ADAMTS9: variants seen among roughly 807,000 people sequenced by gnomAD.
ADAMTS9 encodes the protein A disintegrin and metalloproteinase with thrombospondin motifs 9.
Under a neutral mutation model 257.1 loss-of-function variants are expected in ADAMTS9, and 107 were observed. The observed-to-expected ratio is 0.42, with a 90% CI of 0.36 to 0.49. The LOEUF (loss-of-function observed/expected upper bound fraction) is 0.49, where lower values mean the gene tolerates loss of function less well. ADAMTS9 is among the 20% of genes least tolerant of loss of function. The probability of loss-of-function intolerance (pLI) is 0.03; values close to 1 mark genes in which losing one functional copy is unlikely to be tolerated. For synonymous variants in ADAMTS9, 982 were observed against 880.9 expected (o/e 1.11, Z -2.03); for missense variants, 2,353 against 2,469.1 (o/e 0.95, Z 1.00).
intron 25 of ADAMTS9, 111 bp from the exon 26 acceptor site, chr3:64,602,324 C>T: frequency 7.7e-7 from 1 of 1,294,844 alleles, no homozygotes; most frequent in Non-Finnish European, 1.1e-6. Context: ...TTGCTCAGGC[C>T]AAAAACCTTG....
rs780134902 is a variant in ADAMTS9, at chr3:64,613,501, G to C, written c.3198C>G (p.Val1066=). ...WKSGDWSECL[V]TCGKGHKHRQ... is the part of the protein sequence containing the mutation. The stretch of plus-strand genomic sequence containing the variant: ...GGTGCTTATGCCCTTTTCCACAGGT[G>C]ACCAAGCACTGTAATGAAAAGCGGA... Residue 1066 remains valine, a synonymous_variant, in exon 22 of 40, where the codon GTC becomes GTG. Transcript: ENST00000498707. 4 of 1,613,102 alleles carry C rather than the reference G, an allele frequency of 2.5e-6. No homozygotes were observed. Among genetic ancestry groups the C allele is most frequent in the Non-Finnish European group, 3.4e-6 (4 of 1,179,582 alleles).
At chr3:64,518,254 T>A (rs79290614) in intron 39 of ADAMTS9, among the ~76,000 whole-genome samples, 2,255 of 152,298 alleles carry the variant, frequency 0.015, 45 homozygotes, top group African/African-American at 0.052. Flanking sequence ...TATCTCAGTT[T>A]CTTAAGATAA....
chr3:64,651,692 A>G (rs1291301972), intron 8 of ADAMTS9, among the ~76,000 whole-genome samples: 2 of 152,204 alleles, frequency 1.3e-5, no homozygotes, highest in African/African-American at 4.8e-5. Context: ...TATCATTCTA[A>G]AGGCATGCAA....
At chr3:64,547,226 G>A (rs7633144) in intron 31 of ADAMTS9, among the ~76,000 whole-genome samples, 4,698 of 152,234 alleles carry the variant, frequency 0.031, 214 homozygotes, top group African/African-American at 0.098. Flanking sequence ...AGGTTTCGAA[G>A]GGAGGAGGAG....
At chr3:64,552,367 C>A (rs1464483923) in intron 30 of ADAMTS9, among the ~76,000 whole-genome samples, 1 of 152,134 alleles carries the variant, frequency 6.6e-6, no homozygotes, top group African/African-American at 2.4e-5. Flanking sequence ...TGCTAAAGGT[C>A]ACTGAAAGCC....
rs76917190 is a variant in ADAMTS9, at chr3:64,624,264, A to C, written c.2390-1678T>G. Among the ~76,000 whole-genome samples, 421 of 151,942 alleles carry C rather than the reference A, an allele frequency of 2.8e-3. 15 individuals are homozygous for C. In the East Asian group the frequency reaches 0.056, roughly 20 times the overall value. ...GGGAAAGAGAAAGAAGAAAGAAAGG[A>C]AAAGAGAGACAAAGAAAGAAAAGGA... On this transcript the variant is annotated intron_variant, in intron 16 of 39. Coordinates refer to ENST00000498707, the MANE Select transcript of ADAMTS9 (RefSeq NM_182920.2).
At chr3:64,593,664 T>C (rs1360674438) in intron 28 of ADAMTS9, among the ~76,000 whole-genome samples, 1 of 152,212 alleles carries the variant, frequency 6.6e-6, no homozygotes, top group Non-Finnish European at 1.5e-5. Flanking sequence ...TTCCTATCTC[T>C]GTGCAAGAGA....
At position 64,604,342 on chromosome 3, in the gene ADAMTS9, T is replaced by G. The variant is rs1276542056; in HGVS notation, c.3475-11A>C. 2 of 1,550,106 alleles carry G rather than the reference T, an allele frequency of 1.3e-6. No individual in the cohort carries two copies. The highest frequency in any genetic ancestry group is 1.7e-6 in the Non-Finnish European group (2 of 1,145,044). On this transcript the variant is annotated splice_polypyrimidine_tract_variant and intron_variant, in intron 23 of 39. Transcript: ENST00000498707. ...TGGTAATTCACAGTCCTAGACGTGA[T>G]GGGGGAAAAAAAAACAAAGTCACTT... is the stretch of plus-strand genomic sequence containing the variant.
chr3:64,541,666 G>A (rs780325999), intron 33 of ADAMTS9, 46 bp from the exon 34 acceptor site: 10 of 1,565,512 alleles, frequency 6.4e-6, no homozygotes, highest in Middle Eastern at 1.7e-4. Context: ...GATCCGAGAT[G>A]TGAATTATCT....
At chr3:64,667,316 C>T (rs1701373728) in intron 3 of ADAMTS9, among the ~76,000 whole-genome samples, 1 of 152,210 alleles carries the variant, frequency 6.6e-6, no homozygotes, top group African/African-American at 2.4e-5. Flanking sequence ...CCTGAGAAGT[C>T]TTGCAGGAAA....
chr3:64,589,890 T>C (rs1387632159), intron 28 of ADAMTS9: 1 of 152,212 alleles, frequency 6.6e-6, no homozygotes, highest in Non-Finnish European at 1.5e-5. Flanking sequence ...AATAACAAAA[T>C]TGACAAATGC....
intron 3 of ADAMTS9, among the ~76,000 whole-genome samples, chr3:64,663,731 A>G (rs988090729): frequency 6.6e-6 from 1 of 152,166 alleles, no homozygotes; most frequent in Non-Finnish European, 1.5e-5. Flanking sequence ...AGCATACTTT[A>G]GGTGGCATGA....
chr3:64,687,924 G>C lies in ADAMTS9; in HGVS notation c.-267C>G, dbSNP rs1425042419. On this transcript the variant is annotated 5_prime_UTR_variant, in exon 1 of 40. Transcript: ENST00000498707. This position sits in a 1 kb window ranked among gnomAD's most constrained non-coding sequence, Gnocchi z 4.4. ...GGAGGAGGAGGACTGGGGCTCGGCT[G>C]CTTGGCCGCATAATGCCCAGCGAGC... The C allele has an allele frequency of 9.4e-6, 3 of 317,606 alleles. No homozygotes were observed. The highest frequency in any genetic ancestry group is 1.2e-5 in the Non-Finnish European group (2 of 173,490). The allele number at this position is 317,606 out of a possible 1,614,324, so 19.7% of individuals were successfully genotyped here. A position where few individuals can be genotyped will look rare whatever the true frequency, so the allele number is the denominator to read the frequency against.
At chr3:64,537,961 A>C (rs1352489141) in intron 37 of ADAMTS9, among the ~76,000 whole-genome samples, 1 of 152,246 alleles carries the variant, frequency 6.6e-6, no homozygotes, top group African/African-American at 2.4e-5. Flanking sequence ...CGCCTCTCTC[A>C]GGCAAGAAAG....
intron 28 of ADAMTS9, chr3:64,588,602 T>C (rs1251009657): frequency 6.6e-6 from 1 of 151,944 alleles, no homozygotes; most frequent in Non-Finnish European, 1.5e-5. Context: ...TTCTTTCCAT[T>C]CCAGAAGGGC....
At chr3:64,530,308 T>A (rs2082961725) in intron 38 of ADAMTS9, among the ~76,000 whole-genome samples, 1 of 152,036 alleles carries the variant, frequency 6.6e-6, no homozygotes, top group Non-Finnish European at 1.5e-5. Context: ...TAGCATTTTC[T>A]CCCAAAAGTG....
At position 64,641,972 on chromosome 3, in the gene ADAMTS9, C is replaced by A. The variant is rs775337770; in HGVS notation, c.1732G>T (p.Val578Phe). Reference sequence around the variant, plus strand: ...ACGGGGACATCCATTTCTTTGGGAACACAAAATCCATACTTGCAGTGCTGT... The same window carrying A: ...ACGGGGACATCCATTTCTTTGGGAAAACAAAATCCATACTTGCAGTGCTGT... The part of the protein sequence containing the change: ...PGKHCKYGFC[V>F]PKEMDVPVTD... The change falls in exon 12 of 40, where the codon GTT becomes TTT. Residue 578 changes from valine (V) to phenylalanine (F), a missense_variant. Transcript: ENST00000498707. 6.2e-7 allele frequency: 1 copy of A among 1,614,074 alleles called. No individual in the cohort carries two copies. Among genetic ancestry groups the A allele is most frequent in the East Asian group, 2.2e-5 (1 of 44,850 alleles).
In ADAMTS9 at chr3:64,611,585, G is replaced by A. The variant is rs28881277; in HGVS notation, c.3354+1760C>T. Among the ~76,000 whole-genome samples the A allele has an allele frequency of 1.2e-3, 186 of 152,216 alleles. 1 individual carries two copies. The highest frequency in any genetic ancestry group is 4.2e-3 in the African/African-American group (174 of 41,538). On this transcript the variant is annotated intron_variant, in intron 22 of 39. Transcript: ENST00000498707. ...TTCCACAGATGGGGTGGGTGGGGGT[G>A]GTTTTGGGATGAAACTGTTCCACCT... is the stretch of plus-strand genomic sequence containing the variant.
rs779885369 is a variant in ADAMTS9, at chr3:64,561,724, G to C, written c.4552C>G (p.Gln1518Glu). The change falls in exon 30 of 40, where the codon CAG (glutamine) becomes GAG (glutamate). Residue 1518 changes from glutamine to glutamate, a missense_variant. This residue lies in a region of ADAMTS9 where 1,402 missense variants were observed against 1,441.4 expected (regional missense o/e 0.97). Transcript: ENST00000498707. Reference sequence around the variant, plus strand: ...ATCTGACAGCCCACATGCCTCTGCTGTACGCCTCGGCCACAGGACACAGAG... The same window carrying C: ...ATCTGACAGCCCACATGCCTCTGCTCTACGCCTCGGCCACAGGACACAGAG... ...QCSVSCGRGV[Q>E]QRHVGCQIGT... The C allele has an allele frequency of 1.3e-6, 2 of 1,594,410 alleles. No individual in the cohort carries two copies. The highest frequency in any genetic ancestry group is 2.7e-5 in the African/African-American group (2 of 73,794).
Sources: allele counts gnomAD v4.1 joint callset (sites outside exome capture counted in the v4.1 genomes callset), GRCh38; gene constraint gnomAD v4.1.1; regional missense constraint gnomAD v4.1.1; non-coding constraint Gnocchi (gnomAD v3.1); transcripts MANE v1.5; gene names NCBI Gene and HGNC (gene_info 2026-07-23, HGNC 2026-07-21).